Variants in GLYR1 observed in about 807,000 individuals in gnomAD.
GLYR1 encodes glyoxylate reductase 1 homolog.
In GLYR1, 21 loss-of-function variants were observed where a neutral mutation model predicts 72.7. That is an observed-to-expected ratio of 0.29 (90% CI 0.20 to 0.42). The LOEUF (loss-of-function observed/expected upper bound fraction) is 0.42, where lower values mean the gene tolerates loss of function less well. GLYR1 is among the 10% of genes least tolerant of loss of function. GLYR1 has a pLI of 1.00. For synonymous variants in GLYR1, 392 were observed against 270.2 expected (o/e 1.45, Z -4.42); for missense variants, 594 against 712.1 (o/e 0.83, Z 1.89).
At chr16:4,807,812 A>G (rs571071978) in intron 15 of GLYR1, among the ~76,000 whole-genome samples, 2 of 152,322 alleles carry the variant, frequency 1.3e-5, no homozygotes, top group Non-Finnish European at 2.9e-5. Flanking sequence ...AAAATACACA[A>G]CGAATTCTAC....
chr16:4,817,916 C>A, intron 9 of GLYR1: 1 of 512,160 alleles, frequency 2.0e-6, no homozygotes, highest in Non-Finnish European at 3.5e-6. Context: ...TGTAAACAGG[C>A]ATTTTGAAAC....
At chr16:4,828,358 C>T (rs557245910) in intron 5 of GLYR1, among the ~76,000 whole-genome samples, 7 of 152,124 alleles carry the variant, frequency 4.6e-5, no homozygotes, top group Non-Finnish European at 8.8e-5. Flanking sequence ...CGTGAGCCAC[C>T]GCGCCCGGCA....
At chr16:4,815,796 T>G (rs2083599440) in intron 10 of GLYR1, among the ~76,000 whole-genome samples, 1 of 152,208 alleles carries the variant, frequency 6.6e-6, no homozygotes, top group African/African-American at 2.4e-5. Context: ...TTCATTTTTT[T>G]TTTTTGAGAC....
intron 3 of GLYR1, 150 bp downstream of exon 3, chr16:4,844,924 T>C: frequency 3.2e-6 from 2 of 619,146 alleles, no homozygotes; most frequent in Admixed American, 5.3e-5. Context: ...AAATTGCACC[T>C]TTATTTAGGT....
chr16:4,834,847 G>C (rs927116336), intron 3 of GLYR1, among the ~76,000 whole-genome samples: 1 of 151,942 alleles, frequency 6.6e-6, no homozygotes. Context: ...AAAGTGGAAG[G>C]AGATTTCGAC....
At position 4,834,507 on chromosome 16, in the gene GLYR1, G is replaced by C. The variant is rs537957428; in HGVS notation, c.156-1595C>G. ...AGACAGAGTCTCATTTTGTCACCTA[G>C]GATGAAGTGCAGTGGCACGATCTTA... On this transcript the variant is annotated intron_variant, in intron 3 of 15. Transcript: ENST00000321919. Among the ~76,000 whole-genome samples, 19 of 151,462 alleles carry C rather than the reference G, an allele frequency of 1.3e-4. 1 individual carries two copies. The East Asian group carries it at 3.5e-3, about 28-fold the overall frequency.
chr16:4,805,400 A>T, intron 15 of GLYR1, 90 bp from the exon 16 acceptor site: 1 of 1,100,612 alleles, frequency 9.1e-7, no homozygotes, highest in Non-Finnish European at 1.4e-6. Context: ...GGATGTGGCC[A>T]GCAGGCAGTG....
intron 3 of GLYR1, among the ~76,000 whole-genome samples, chr16:4,836,076 G>T (rs2085109955): frequency 6.6e-6 from 1 of 152,124 alleles, no homozygotes; most frequent in Non-Finnish European, 1.5e-5. Flanking sequence ...TGGGATTACA[G>T]GTATGAGCCA....
intron 5 of GLYR1, among the ~76,000 whole-genome samples, chr16:4,825,796 C>T (rs537827664): frequency 4.9e-4 from 75 of 151,604 alleles, no homozygotes; most frequent in African/African-American, 1.5e-3. Flanking sequence ...GGACCACAGG[C>T]GCGCGGCCAC....
intron 9 of GLYR1, among the ~76,000 whole-genome samples, chr16:4,819,254 C>T (rs946181012): frequency 3.3e-5 from 5 of 152,096 alleles, no homozygotes; most frequent in African/African-American, 1.2e-4. Context: ...ATCAGGCAAT[C>T]CTCTCACCTC....
chr16:4,825,343 CT>C (rs1451822502), intron 5 of GLYR1, among the ~76,000 whole-genome samples: 1 of 152,100 alleles, frequency 6.6e-6, no homozygotes, highest in Non-Finnish European at 1.5e-5. Context: ...ACCCTGCTGG[CT>C]TTCCCCCCCG....
chr16:4,818,844 C>T (rs920216465), intron 9 of GLYR1, among the ~76,000 whole-genome samples: 1 of 152,150 alleles, frequency 6.6e-6, no homozygotes, highest in African/African-American at 2.4e-5. Flanking sequence ...CTCCCCATGC[C>T]TGCCTTCCCC....
chr16:4,825,951 C>T (rs1440255754), intron 5 of GLYR1, among the ~76,000 whole-genome samples: 3 of 152,152 alleles, frequency 2.0e-5, no homozygotes, highest in Admixed American at 2.0e-4. Flanking sequence ...TGCACCCAGC[C>T]CTATTATAAT....
chr16:4,821,982 A>G (rs1363459569), intron 7 of GLYR1, among the ~76,000 whole-genome samples: 2 of 152,196 alleles, frequency 1.3e-5, no homozygotes, highest in African/African-American at 4.8e-5. Flanking sequence ...GAGCTTGAAG[A>G]TGTGTCTGCC....
At position 4,847,250 on chromosome 16, in the gene GLYR1, G is replaced by A. The variant is rs371220008; in HGVS notation, c.16C>T (p.Leu6=). 264 of 1,609,816 alleles carry A rather than the reference G, an allele frequency of 1.6e-4. No individual in the cohort carries two copies. Among genetic ancestry groups the A allele is most frequent in the Non-Finnish European group, 2.2e-4 (254 of 1,178,974 alleles). Residue 6 remains leucine (L), a synonymous_variant, in exon 1 of 16, where the codon CTG becomes TTG. Coordinates refer to ENST00000321919, the MANE Select transcript of GLYR1 (RefSeq NM_032569.4). MAAVS[L]RLGDLVWGKL... ...CACCACACCAAGTCGCCGAGCCGCA[G>A]ACTCACAGCCGCCATCTTACCACCC... is the stretch of plus-strand genomic sequence containing the variant.
chr16:4,824,796 C>T (rs1006069880), intron 5 of GLYR1, among the ~76,000 whole-genome samples: 2 of 152,148 alleles, frequency 1.3e-5, no homozygotes, highest in South Asian at 2.1e-4. Context: ...TGGTCCCTCT[C>T]GACTGCTCTG....
intron 3 of GLYR1, among the ~76,000 whole-genome samples, chr16:4,841,208 C>T (rs2085521152): frequency 1.3e-5 from 2 of 152,088 alleles, no homozygotes; most frequent in Admixed American, 6.5e-5. Context: ...TCACCACTGG[C>T]TTCACCTGTT....
chr16:4,821,777 AT>A (rs1307519478), intron 7 of GLYR1, 180 bp from the exon 8 acceptor site: 1 of 631,644 alleles, frequency 1.6e-6, no homozygotes, highest in Non-Finnish European at 2.8e-6. Flanking sequence ...TCAAGTCCCC[AT>A]GCAATTCTAC....
intron 7 of GLYR1, among the ~76,000 whole-genome samples, 191 bp downstream of exon 7, chr16:4,822,684 C>G (rs921220903): frequency 2.0e-5 from 3 of 152,226 alleles, no homozygotes. Context: ...CCACCGCGCC[C>G]GGCCTGGATT....
Sources: allele counts gnomAD v4.1 joint callset (sites outside exome capture counted in the v4.1 genomes callset), GRCh38; gene constraint gnomAD v4.1.1; transcripts MANE v1.5; gene names NCBI Gene and HGNC (gene_info 2026-07-23, HGNC 2026-07-21).